The following RNF217 variants were observed in gnomAD, a reference collection of about 807,000 sequenced individuals.
RNF217 encodes ring finger protein 217, also known as E3 ubiquitin-protein ligase RNF217.
Under a neutral mutation model 57.8 loss-of-function variants are expected in RNF217, and 31 were observed. The ratio of observed to expected loss-of-function variants is 0.54; its 90% confidence interval spans 0.40 to 0.72. The LOEUF (loss-of-function observed/expected upper bound fraction) is 0.72. Among genes scored for constraint, RNF217 ranks in the 30% least tolerant of loss-of-function variants. RNF217 has a pLI of 0.00. For synonymous variants in RNF217, 313 were observed against 294.0 expected, an observed-to-expected ratio of 1.06 and a Z score of -0.66; for missense variants, 696 against 708.3, an observed-to-expected ratio of 0.98 and a Z score of 0.20.
At chr6:124,968,733 G>A (rs12660986) in intron 1 of RNF217, among the ~76,000 whole-genome samples, 7,669 of 152,206 alleles carry the variant, frequency 0.05, 287 homozygotes, top group East Asian at 0.15. Context: ...TTCCCTCCTA[G>A]AGCTTTTATA....
intron 1 of RNF217, among the ~76,000 whole-genome samples, chr6:125,011,367 C>G (rs1461009076): frequency 3.9e-5 from 6 of 152,048 alleles, no homozygotes; most frequent in African/African-American, 1.4e-4. Context: ...TTGGCATTAT[C>G]ATATTCACCT....
At chr6:125,068,669 A>G (rs1444299127) in intron 3 of RNF217, among the ~76,000 whole-genome samples, 1 of 152,228 alleles carries the variant, frequency 6.6e-6, no homozygotes, top group African/African-American at 2.4e-5. Flanking sequence ...GTATACATGT[A>G]TAAGCTCTTT....
chr6:125,022,880 T>C (rs958300745), intron 1 of RNF217, among the ~76,000 whole-genome samples: 2 of 152,094 alleles, frequency 1.3e-5, no homozygotes, highest in Non-Finnish European at 2.9e-5. Flanking sequence ...TAGCTAGAGA[T>C]CACTATTTAG....
At chr6:125,025,024 G>T (rs1786017966) in intron 1 of RNF217, among the ~76,000 whole-genome samples, 1 of 152,112 alleles carries the variant, frequency 6.6e-6, no homozygotes, top group African/African-American at 2.4e-5. Flanking sequence ...TTAAAGGATA[G>T]ATGCAGGGAA....
chr6:124,986,830 G>C (rs1352684520), intron 1 of RNF217, among the ~76,000 whole-genome samples: 1 of 152,074 alleles, frequency 6.6e-6, no homozygotes, highest in East Asian at 1.9e-4. Context: ...TAATAATAAA[G>C]TATCTTGAAA....
chr6:125,027,108 G>A (rs1240927524), intron 1 of RNF217, among the ~76,000 whole-genome samples: 1 of 151,972 alleles, frequency 6.6e-6, no homozygotes, highest in Non-Finnish European at 1.5e-5. Context: ...GCACATCATG[G>A]AGAATGAGGT....
At position 125,059,567 on chromosome 6, in the gene RNF217, T is replaced by C. The variant is rs77182504; in HGVS notation, c.1281+1461T>C. Among the ~76,000 whole-genome samples, 174 of 152,306 alleles carry C rather than the reference T, an allele frequency of 1.1e-3. 1 individual carries two copies. Among genetic ancestry groups the C allele is most frequent in the African/African-American group, 4.0e-3 (167 of 41,576 alleles). Reference sequence around the variant, plus strand: ...TAAAAACAATTCCAAGTTAGCCTGGTTCTACAACTGGATTTGGAATGAGCA... The same window carrying C: ...TAAAAACAATTCCAAGTTAGCCTGGCTCTACAACTGGATTTGGAATGAGCA... On this transcript the variant is annotated intron_variant, in intron 3 of 5. Coordinates refer to ENST00000521654, the MANE Select transcript of RNF217 (RefSeq NM_001286398.3).
chr6:124,969,596 G>T (rs142707166), intron 1 of RNF217, among the ~76,000 whole-genome samples: 2,078 of 152,190 alleles, frequency 0.014, 22 homozygotes, highest in Non-Finnish European at 0.021. Flanking sequence ...CATCTATCTT[G>T]TAAACATTCT....
At chr6:125,040,970 A>G (rs965462098) in intron 1 of RNF217, among the ~76,000 whole-genome samples, 6 of 152,078 alleles carry the variant, frequency 3.9e-5, no homozygotes, top group African/African-American at 1.2e-4. Context: ...GTTTATGACA[A>G]ACCCATAGCC....
Position 125,079,445 on chromosome 6 carries a change from A to T in RNF217, c.1484-1991A>T, listed in dbSNP as rs540258205. ...CAAAAATGAATACTCAATTAAAAAA[A>T]AAAAAAAAGACAAGCCTGGAGCCAG... On this transcript the variant is annotated intron_variant, in intron 4 of 5. Coordinates refer to ENST00000521654, the MANE Select transcript of RNF217 (RefSeq NM_001286398.3). Among the ~76,000 whole-genome samples, 8 of 152,158 alleles carry T rather than the reference A, an allele frequency of 5.3e-5. No homozygotes were observed. The South Asian group carries it at 1.4e-3, about 28-fold the overall frequency.
intron 1 of RNF217, among the ~76,000 whole-genome samples, chr6:124,984,829 C>T (rs748735746): frequency 1.3e-5 from 2 of 151,968 alleles, no homozygotes; most frequent in Non-Finnish European, 2.9e-5. Context: ...TTTATTCCCT[C>T]TAAGCAAAGA....
chr6:125,045,320 A>T lies in RNF217; in HGVS notation c.992A>T (p.Lys331Met). 1 of 1,613,234 alleles carries T rather than the reference A, an allele frequency of 6.2e-7. No homozygotes were observed. The highest frequency in any genetic ancestry group is 8.5e-7 in the Non-Finnish European group (1 of 1,179,438). The change falls in exon 2 of 6, where the codon AAG becomes ATG. Residue 331 changes from lysine to methionine, a missense_variant. Physicochemically the swap from Lys to Met is moderately conservative, Grantham distance 95. Around this residue, in one of 2 missense-constraint regions of RNF217, gnomAD observed 231 missense variants for 321.4 expected, o/e 0.72. Coordinates refer to ENST00000521654, the MANE Select transcript of RNF217 (RefSeq NM_001286398.3). ...ACGCATGAAGACTCCATCAAGTATA[A>T]GTACTTCTTGGAACTTGGCCGTATT... ...NLTHEDSIKY[K>M]YFLELGRIDS...
chr6:124,997,002 G>C (rs1454717797), intron 1 of RNF217, among the ~76,000 whole-genome samples: 5 of 152,112 alleles, frequency 3.3e-5, no homozygotes, highest in Admixed American at 3.3e-4. Flanking sequence ...ACACAGACTT[G>C]TTTGTAGCAC....
At chr6:124,980,626 G>A (rs1211874740) in intron 1 of RNF217, among the ~76,000 whole-genome samples, 1 of 152,034 alleles carries the variant, frequency 6.6e-6, no homozygotes, top group African/African-American at 2.4e-5. Flanking sequence ...AATGACAAAG[G>A]CCTTGGGGTC....
chr6:125,076,601 GC>G, intron 3 of RNF217, 55 bp from the exon 4 acceptor site: 4 of 1,335,272 alleles, frequency 3.0e-6, no homozygotes, highest in Non-Finnish European at 3.2e-6. Context: ...TTGCGATTTT[GC>G]TTTTTAAAAA....
chr6:125,021,759 G>T (rs759212208), intron 1 of RNF217, among the ~76,000 whole-genome samples: 5 of 152,094 alleles, frequency 3.3e-5, no homozygotes, highest in Non-Finnish European at 2.9e-5. Flanking sequence ...TTTATCAGCT[G>T]TACAAACACA....
At chr6:125,018,331 A>T (rs1785691054) in intron 1 of RNF217, among the ~76,000 whole-genome samples, 1 of 152,226 alleles carries the variant, frequency 6.6e-6, no homozygotes, top group African/African-American at 2.4e-5. Context: ...ACTGGTATTG[A>T]GCAAGAAAAC....
chr6:124,971,391 G>A (rs991727172), intron 1 of RNF217: 9 of 236,962 alleles, frequency 3.8e-5, no homozygotes, highest in Non-Finnish European at 7.0e-5. Context: ...CTACTTGTAA[G>A]GAAATCAAGA....
At chr6:125,053,976 C>T (rs1267192254) in intron 2 of RNF217, among the ~76,000 whole-genome samples, 1 of 152,130 alleles carries the variant, frequency 6.6e-6, no homozygotes, top group East Asian at 1.9e-4. Flanking sequence ...ACCTCAGCCA[C>T]TAGTCATAAA....
Sources: allele counts gnomAD v4.1 joint callset (sites outside exome capture counted in the v4.1 genomes callset), GRCh38; gene constraint gnomAD v4.1.1; regional missense constraint gnomAD v4.1.1; transcripts MANE v1.5; gene names NCBI Gene and HGNC (gene_info 2026-07-23, HGNC 2026-07-21).